STRADA: variants seen among roughly 807,000 people sequenced by gnomAD.
STRADA encodes the protein STE20-related kinase adapter protein alpha.
STRADA carries 26 observed loss-of-function variants against 55.0 expected under a neutral mutation model. That is an observed-to-expected ratio of 0.47 (90% CI 0.35 to 0.66). The LOEUF is 0.66. STRADA is among the 30% of genes least tolerant of loss of function. The pLI is 0.01. For missense variants in STRADA, 443 were observed against 549.7 expected, an observed-to-expected ratio of 0.81 and a Z score of 1.94; for synonymous variants, 197 against 210.9, an observed-to-expected ratio of 0.93 and a Z score of 0.57.
At chr17:63,704,197 A>G (rs1438334746) in intron 11 of STRADA, 144 bp downstream of exon 11, 1 of 1,521,606 alleles carries the variant, frequency 6.6e-7, no homozygotes, top group Non-Finnish European at 8.8e-7. Context: ...CTGGCCTCTG[A>G]CACACCCAGG....
rs199569051 is a variant in STRADA at position 63,707,262 on chromosome 17, G to A, written c.738C>T (p.Pro246=). ...YSVKVLPWLS[P]EVLQQNLQGY... ...ACACACAGACCTGCTGGAGGACCTC[G>A]GGGCTGAGCCACGGCAGAACCTTGA... The change falls in exon 9 of 13, where the codon CCC becomes CCT. Residue 246 remains proline (P), a synonymous_variant. Transcript: ENST00000336174. 3.7e-4 allele frequency: 595 copies of A among 1,614,178 alleles called. No homozygotes were observed. The South Asian group carries it at 5.1e-3, about 14-fold the overall frequency.
At chr17:63,733,088 C>T (rs1168087838) in intron 1 of STRADA, among the ~76,000 whole-genome samples, 4 of 152,304 alleles carry the variant, frequency 2.6e-5, no homozygotes, top group Non-Finnish European at 5.9e-5. Flanking sequence ...CAGGGTTTTA[C>T]CATGTTGGCC....
At chr17:63,723,349 T>C (rs760492369) in intron 3 of STRADA, 23 bp from the exon 4 acceptor site, 1 of 1,614,176 alleles carries the variant, frequency 6.2e-7, no homozygotes, top group South Asian at 1.1e-5. Flanking sequence ...AATTGATTGT[T>C]GGCATTTTGT....
At position 63,703,763 on chromosome 17, in the gene STRADA, G is replaced by C. The variant is rs921304391; in HGVS notation, c.1144-12C>G. 1.2e-6 allele frequency: 2 copies of C among 1,613,508 alleles called. No homozygotes were observed. Among genetic ancestry groups the C allele is most frequent in the African/African-American group, 2.7e-5 (2 of 75,044 alleles). ...GCACGTCGCTTGATCTGGGGGAGAA[G>C]AGAGAGGTGGGTGACAGATCCTGTT... On this transcript the variant is annotated splice_polypyrimidine_tract_variant and intron_variant, in intron 12 of 12. Transcript: ENST00000336174.
At chr17:63,708,282 C>T (rs2036254654) in intron 8 of STRADA, among the ~76,000 whole-genome samples, 1 of 152,180 alleles carries the variant, frequency 6.6e-6, no homozygotes, top group African/African-American at 2.4e-5. Flanking sequence ...TCACTGCAAC[C>T]TCTGCCTCCC....
intron 1 of STRADA, among the ~76,000 whole-genome samples, chr17:63,729,155 G>T (rs964302353): frequency 5.3e-5 from 8 of 152,026 alleles, no homozygotes; most frequent in African/African-American, 1.2e-4. Flanking sequence ...AAGTGTGGGG[G>T]TTACCACGTG....
intron 4 of STRADA, chr17:63,719,098 C>T (rs1488270856): frequency 2.0e-5 from 3 of 152,204 alleles, no homozygotes; most frequent in Non-Finnish European, 4.4e-5. Context: ...TGCCCATGAT[C>T]TTTTCATTCC....
At chr17:63,718,401 G>A (rs901744831) in intron 4 of STRADA, among the ~76,000 whole-genome samples, 3 of 152,102 alleles carry the variant, frequency 2.0e-5, no homozygotes, top group African/African-American at 7.2e-5. Flanking sequence ...ACTCTCCATC[G>A]GTTTAGAATT....
rs145098370 is a variant in STRADA, at chr17:63,704,953, C to T, written c.859-371G>A. The T allele has an allele frequency of 2.2e-3, 3,344 of 1,514,380 alleles. 6 individuals carry two copies. The highest frequency in any genetic ancestry group is 2.8e-3 in the Non-Finnish European group (3,173 of 1,127,088). 93.8% of individuals were successfully genotyped at this position (1,514,380 alleles called of 1,614,324 possible). A position where few individuals can be genotyped will look rare whatever the true frequency, so the allele number is the denominator to read the frequency against. ...AGATGAACCTGCTTTGAAGCCCAGC[C>T]GTCTGCCATGCTCAGGTGGATCCGA... On this transcript the variant is annotated intron_variant, in intron 10 of 12. Transcript: ENST00000336174.
intron 4 of STRADA, among the ~76,000 whole-genome samples, chr17:63,718,419 C>T (rs1028146358): frequency 6.6e-6 from 1 of 152,222 alleles, no homozygotes; most frequent in Non-Finnish European, 1.5e-5. Context: ...ATTCACAACG[C>T]TCATTTGGTC....
intron 4 of STRADA, chr17:63,715,460 CTGT>C (rs1010086828): frequency 6.6e-6 from 1 of 152,244 alleles, no homozygotes. Context: ...TGTTTTGTTG[CTGT>C]TGTTTTTAAG....
intron 10 of STRADA, chr17:63,705,739 C>T (rs535700006): frequency 6.6e-6 from 1 of 152,498 alleles, no homozygotes; most frequent in Admixed American, 6.5e-5. Flanking sequence ...ACCATTTACA[C>T]CTCCTTGCTG....
intron 2 of STRADA, chr17:63,727,020 C>A: frequency 3.4e-6 from 1 of 298,196 alleles, no homozygotes; most frequent in Non-Finnish European, 6.2e-6. Flanking sequence ...TGCCTTGGAT[C>A]ACTGATGTCA....
chr17:63,703,398 T>G lies in STRADA; in HGVS notation c.*201A>C. 1.8e-6 allele frequency: 1 copy of G among 569,648 alleles called. No individual in the cohort carries two copies. 35.3% of individuals were successfully genotyped at this position (569,648 alleles called of 1,614,324 possible). A position where few individuals can be genotyped will look rare whatever the true frequency, so the allele number is the denominator to read the frequency against. ...CCTCCTGATCCCTGGTTGTTGAGAT[T>G]CCCTTGTGTCTCAAAAGCCTTGGAG... On this transcript the variant is annotated 3_prime_UTR_variant, in exon 13 of 13. Coordinates refer to ENST00000336174, the MANE Select transcript of STRADA (RefSeq NM_001003787.4).
chr17:63,705,119 C>T, intron 10 of STRADA: 1 of 609,838 alleles, frequency 1.6e-6, no homozygotes, highest in South Asian at 1.9e-5. Flanking sequence ...AAAACCAGCC[C>T]CACCTGGGAC....
chr17:63,736,624 C>T lies in STRADA; in HGVS notation c.-45+5117G>A, dbSNP rs574244713. Among the ~76,000 whole-genome samples the T allele has an allele frequency of 5.4e-5, 8 of 148,878 alleles. No homozygotes were observed. The East Asian group carries it at 1.2e-3, about 23-fold the overall frequency. ...GCCTGGGTGACAGAGTGAGGCTCTG[C>T]CCCAAGAAAAAAAAAATAATAATAA... On this transcript the variant is annotated intron_variant, in intron 1 of 12. Transcript: ENST00000336174.
intron 4 of STRADA, among the ~76,000 whole-genome samples, chr17:63,721,525 C>A (rs1438574763): frequency 1.3e-5 from 2 of 149,646 alleles, no homozygotes; most frequent in Non-Finnish European, 3.0e-5. Flanking sequence ...TCGAGACCAG[C>A]CAACATAGTG....
chr17:63,734,156 G>A (rs544120424), intron 1 of STRADA, among the ~76,000 whole-genome samples: 4 of 152,242 alleles, frequency 2.6e-5, no homozygotes, highest in African/African-American at 9.6e-5. Context: ...GCCAATGGAT[G>A]GCTACAGGCC....
At chr17:63,737,461 AAT>A (rs1431096296) in intron 1 of STRADA, 12 of 151,342 alleles carry the variant, frequency 7.9e-5, no homozygotes, top group Non-Finnish European at 1.3e-4. Flanking sequence ...TGATAAACTT[AAT>A]TACAGTTATA....
Sources: allele counts gnomAD v4.1 joint callset (sites outside exome capture counted in the v4.1 genomes callset), GRCh38; gene constraint gnomAD v4.1.1; transcripts MANE v1.5; gene names NCBI Gene and HGNC (gene_info 2026-07-23, HGNC 2026-07-21).